The following COG4 variants were observed in gnomAD, a reference collection of about 807,000 sequenced individuals.
COG4 encodes component of oligomeric golgi complex 4.
COG4 carries 65 observed loss-of-function variants against 95.1 expected under a neutral mutation model. The ratio of observed to expected loss-of-function variants is 0.68; its 90% CI spans 0.56 to 0.84. The LOEUF is 0.84. Among genes scored for constraint, COG4 ranks in the 40% least tolerant of loss-of-function variants. COG4 has a pLI of 0.00. For missense variants in COG4, 1,045 were observed against 989.1 expected (o/e 1.06, Z -0.76); for synonymous variants, 421 against 374.8 (o/e 1.12, Z -1.42).
intron 13 of COG4, among the ~76,000 whole-genome samples, chr16:70,487,619 A>T (rs1043173600): frequency 6.6e-6 from 1 of 152,206 alleles, no homozygotes; most frequent in Non-Finnish European, 1.5e-5. Flanking sequence ...AACTTGTTGA[A>T]CACATACGAT....
At chr16:70,488,589 C>T (rs922689363) in intron 13 of COG4, among the ~76,000 whole-genome samples, 3 of 152,032 alleles carry the variant, frequency 2.0e-5, no homozygotes, top group African/African-American at 7.2e-5. Flanking sequence ...CTCTTGTTGC[C>T]CAGGCTGGAG....
At chr16:70,503,902 C>T (rs2049506016) in intron 8 of COG4, among the ~76,000 whole-genome samples, 1 of 152,182 alleles carries the variant, frequency 6.6e-6, no homozygotes, top group Admixed American at 6.5e-5. Flanking sequence ...CCAACTCCTA[C>T]TTACTCTTAA....
chr16:70,519,681 A>T lies in COG4; in HGVS notation c.222T>A (p.Ile74=), dbSNP rs781086368. The change falls in exon 2 of 19, where the codon ATT becomes ATA. Residue 74 remains isoleucine, a synonymous_variant. Transcript: ENST00000323786. ...LDALLEQQNT[I]ESKMVTLHRM... ...GGTGGAGAGTGACCATCTTACTTTC[A>T]ATGGTGTTTTGCTGTTCCAAAAGAG... is the stretch of plus-strand genomic sequence containing the variant. 1 of 1,613,870 alleles carries T rather than the reference A, an allele frequency of 6.2e-7. No homozygotes were observed. The highest frequency in any genetic ancestry group is 1.7e-5 in the Admixed American group (1 of 60,014).
At chr16:70,497,422 AGTTGTGCAT>A (rs1239149852) in intron 10 of COG4, 35 bp from the exon 11 acceptor site, 1 of 1,604,142 alleles carries the variant, frequency 6.2e-7, no homozygotes, top group African/African-American at 1.3e-5. Flanking sequence ...TGAGGGTCCC[AGTTGTGCAT>A]GTCATGTTCT....
intron 8 of COG4, among the ~76,000 whole-genome samples, chr16:70,502,493 A>G (rs2049474443): frequency 7.0e-6 from 1 of 141,924 alleles, no homozygotes; most frequent in African/African-American, 2.6e-5. Context: ...CCCAGCTACT[A>G]GGGAGGCTGA....
rs2048988643 is a variant in COG4 at position 70,481,394 on chromosome 16, G to A, written c.2200C>T (p.Leu734Phe). Residue 734 changes from leucine to phenylalanine, a missense_variant, in exon 18 of 19, where the codon CTC (leucine) becomes TTC (phenylalanine). Coordinates refer to ENST00000323786, the MANE Select transcript of COG4 (RefSeq NM_015386.3). Reference sequence around the variant, plus strand: ...TTGAGGATGGTGGCCATCTGGGAGAGCCGGGCAAACTTGTCTCGGATGGTC... The same window carrying A: ...TTGAGGATGGTGGCCATCTGGGAGAACCGGGCAAACTTGTCTCGGATGGTC... The part of the protein sequence containing the change: ...TWTIRDKFAR[L>F]SQMATILNLE... The A allele has an allele frequency of 1.9e-6, 3 of 1,613,376 alleles. No homozygotes were observed. The highest frequency in any genetic ancestry group is 2.5e-6 in the Non-Finnish European group (3 of 1,179,998).
chr16:70,507,839 G>T (rs1044743671), intron 8 of COG4, among the ~76,000 whole-genome samples: 3 of 150,700 alleles, frequency 2.0e-5, no homozygotes, highest in African/African-American at 7.3e-5. Flanking sequence ...TCCAGCGTGG[G>T]TGACAGAGTG....
At chr16:70,513,443 T>C (rs2049753503) in intron 4 of COG4, among the ~76,000 whole-genome samples, 1 of 152,208 alleles carries the variant, frequency 6.6e-6, no homozygotes, top group African/African-American at 2.4e-5. Context: ...AGGGGATCCA[T>C]TCCAAGACCG....
intron 7 of COG4, chr16:70,508,991 C>G: frequency 1.7e-6 from 1 of 587,608 alleles, no homozygotes; most frequent in Non-Finnish European, 3.0e-6. Flanking sequence ...CTGCTGTGTT[C>G]TTTTCAGGAA....
At chr16:70,520,672 C>G (rs866046547) in intron 1 of COG4, among the ~76,000 whole-genome samples, 59 of 151,002 alleles carry the variant, frequency 3.9e-4, no homozygotes, top group African/African-American at 1.3e-3. Context: ...AAACAAAAAA[C>G]ACCACACACA....
chr16:70,520,367 CGGGGGGT>C (rs2049910325), intron 1 of COG4, among the ~76,000 whole-genome samples: 2 of 17,690 alleles, frequency 1.1e-4, no homozygotes, highest in Non-Finnish European at 2.1e-4. Flanking sequence ...GACATGAACC[CGGGGGGT>C]GGGGGGGGGG....
At chr16:70,516,346 G>C (rs953144042) in intron 3 of COG4, among the ~76,000 whole-genome samples, 2 of 151,102 alleles carry the variant, frequency 1.3e-5, no homozygotes, top group Admixed American at 6.6e-5. Flanking sequence ...GCCCAGGCTG[G>C]AGTGCAGAGG....
rs765395945 is a variant in COG4, at chr16:70,498,050, G to C, written c.1201C>G (p.Gln401Glu). 2.5e-6 allele frequency: 4 copies of C among 1,599,904 alleles called. No individual in the cohort carries two copies. In the Admixed American group the frequency reaches 6.7e-5, roughly 27 times the overall value. The stretch of plus-strand genomic sequence containing the variant: ...TTGAGGAGTTTGTCCAGACACTTCT[G>C]GTGCTCTAGGGGACAGCCAAGAAAG... ...MASEEVKQEH[Q>E]KCLDKLLNNC... Residue 401 changes from glutamine (Q) to glutamate (E), a missense_variant, in exon 10 of 19, where the codon CAG (glutamine) becomes GAG (glutamate). Physicochemically the swap from Gln to Glu is conservative, Grantham distance 29. Transcript: ENST00000323786.
chr16:70,497,245 G>A lies in COG4; in HGVS notation c.1457C>T (p.Thr486Ile), dbSNP rs980096074. 6.2e-7 allele frequency: 1 copy of A among 1,614,170 alleles called. No individual in the cohort carries two copies. Among genetic ancestry groups the A allele is most frequent in the Non-Finnish European group, 8.5e-7 (1 of 1,180,028 alleles). Residue 486 changes from threonine (T) to isoleucine (I), a missense_variant, in exon 11 of 19, where the codon ACC becomes ATC. Physicochemically the swap from Thr to Ile is moderately conservative, Grantham distance 89. Transcript: ENST00000323786. The stretch of plus-strand genomic sequence containing the variant: ...CCTGAAGTCAGACTCCAGCTCTGTG[G>A]TGGCGAGGTTGATCATGGCACAGAG... ...DCLCAMINLA[T>I]TELESDFRDV... is the part of the protein sequence containing the mutation.
Position 70,523,495 on chromosome 16 carries a change from C to T in COG4, c.49G>A (p.Val17Met), listed in dbSNP as rs1210238239. Residue 17 changes from valine (V) to methionine (M), a missense_variant, in exon 1 of 19, where the codon GTG (valine) becomes ATG (methionine). Val to Met is a conservative substitution (Grantham distance 21). Transcript: ENST00000323786. Reference protein sequence around the residue: ...DLDSPPKLSGVQQPSEGVGGG... With the variant: ...DLDSPPKLSGMQQPSEGVGGG... ...CCCACCCCCTCAGACGGCTGCTGCA[C>T]CCCTGACAGCTTCGGAGGCGAATCA... 4 of 1,614,110 alleles carry T rather than the reference C, an allele frequency of 2.5e-6. No individual in the cohort carries two copies. The highest frequency in any genetic ancestry group is 1.7e-5 in the Admixed American group (1 of 60,008).
At chr16:70,509,067 A>G (rs2049641568) in intron 7 of COG4, 164 bp downstream of exon 7, 1 of 852,570 alleles carries the variant, frequency 1.2e-6, no homozygotes, top group Non-Finnish European at 1.9e-6. Flanking sequence ...CCTCAAGTCC[A>G]AAGTAAGCTG....
chr16:70,486,995 CAAA>C (rs72483781), intron 13 of COG4, among the ~76,000 whole-genome samples: 1 of 124,422 alleles, frequency 8.0e-6, no homozygotes. Flanking sequence ...AACTTCATCT[CAAA>C]AAAAAAAAAA....
rs1218487994 is a variant in COG4 at position 70,490,352 on chromosome 16, G to C, written c.1688C>G (p.Ser563Cys). Reference sequence around the variant, plus strand: ...TACCTCCAGTGTCTTCTTCAGAGTGGAGATGTTTTCACTGCAGACTTCCAC... The same window carrying C: ...TACCTCCAGTGTCTTCTTCAGAGTGCAGATGTTTTCACTGCAGACTTCCAC... ...NNVEVCSENI[S>C]TLKKTLESDC... is the part of the protein sequence containing the mutation. The change falls in exon 13 of 19, where the codon TCC becomes TGC. Residue 563 changes from serine (S) to cysteine (C), a missense_variant. Coordinates refer to ENST00000323786, the MANE Select transcript of COG4 (RefSeq NM_015386.3). 2 of 1,613,900 alleles carry C rather than the reference G, an allele frequency of 1.2e-6. No homozygotes were observed. The highest frequency in any genetic ancestry group is 1.7e-6 in the Non-Finnish European group (2 of 1,179,846).
chr16:70,505,232 C>T, intron 8 of COG4, among the ~76,000 whole-genome samples: 1 of 140,210 alleles, frequency 7.1e-6, no homozygotes. Context: ...GAGTCTCGCT[C>T]TGTCACCCAG....
Sources: allele counts gnomAD v4.1 joint callset (sites outside exome capture counted in the v4.1 genomes callset), GRCh38; gene constraint gnomAD v4.1.1; transcripts MANE v1.5; gene names NCBI Gene and HGNC (gene_info 2026-07-23, HGNC 2026-07-21).